Variants in DGKI observed in about 807,000 individuals in gnomAD.
The protein encoded by DGKI is diacylglycerol kinase iota, also known as DAG kinase iota.
In DGKI, 55 loss-of-function variants were observed where a neutral mutation model predicts 147.5. The observed-to-expected ratio is 0.37, with a 90% confidence interval of 0.30 to 0.47. The LOEUF is 0.47. Among genes scored for constraint, DGKI ranks in the 20% least tolerant of loss-of-function variants. The pLI is 1.00. For synonymous variants in DGKI, 469 were observed against 477.1 expected (o/e 0.98, Z 0.22); for missense variants, 1,007 against 1,323.8 (o/e 0.76, Z 3.71).
chr7:137,694,984 T>C (rs985884591), intron 1 of DGKI, among the ~76,000 whole-genome samples: 1 of 152,234 alleles, frequency 6.6e-6, no homozygotes, highest in Non-Finnish European at 1.5e-5. Context: ...TTGAAAGATG[T>C]AATTACTATT....
intron 30 of DGKI, among the ~76,000 whole-genome samples, chr7:137,400,107 C>A (rs796612112): frequency 2.6e-5 from 4 of 152,250 alleles, no homozygotes; most frequent in African/African-American, 9.6e-5. Context: ...TCACTTTACT[C>A]CCACTTACAT....
At chr7:137,820,747 TAAAGCCAGCCAGA>T (rs1797872415) in intron 1 of DGKI, among the ~76,000 whole-genome samples, 1 of 151,898 alleles carries the variant, frequency 6.6e-6, no homozygotes, top group Non-Finnish European at 1.5e-5. Flanking sequence ...TGCTTGCAAG[TAAAGCCAGCCAGA>T]AAAGGCAGCC....
chr7:137,620,738 A>G (rs1309240982), intron 7 of DGKI, among the ~76,000 whole-genome samples: 7 of 152,366 alleles, frequency 4.6e-5, no homozygotes, highest in African/African-American at 1.7e-4. Context: ...CAGACTGGTG[A>G]CCTTAGGCCA....
At chr7:137,707,621 T>A (rs914553179) in intron 1 of DGKI, among the ~76,000 whole-genome samples, 2 of 152,198 alleles carry the variant, frequency 1.3e-5, no homozygotes, top group Non-Finnish European at 2.9e-5. Context: ...CTCTCCACCC[T>A]CTTTTTCTTC....
chr7:137,726,773 C>G (rs1477032934), intron 1 of DGKI, among the ~76,000 whole-genome samples: 2 of 152,106 alleles, frequency 1.3e-5, no homozygotes, highest in African/African-American at 4.8e-5. Flanking sequence ...AGATTTTTAG[C>G]TATATTACTA....
chr7:137,626,771 C>T (rs1178195733), intron 6 of DGKI, among the ~76,000 whole-genome samples: 1 of 152,122 alleles, frequency 6.6e-6, no homozygotes, highest in Non-Finnish European at 1.5e-5. Flanking sequence ...ACCTCCCATC[C>T]GGATTTTTGC....
intron 1 of DGKI, among the ~76,000 whole-genome samples, chr7:137,785,620 T>C (rs1207726787): frequency 1.3e-5 from 2 of 151,970 alleles, no homozygotes. Context: ...CCTAAATCAT[T>C]TTATGAAGCC....
chr7:137,687,672 G>A (rs899204741), intron 2 of DGKI, among the ~76,000 whole-genome samples: 1 of 152,156 alleles, frequency 6.6e-6, no homozygotes. Context: ...TTTGCTTTCT[G>A]TTTGCTGACA....
chr7:137,427,087 C>T (rs970335244), intron 28 of DGKI, among the ~76,000 whole-genome samples: 4 of 151,880 alleles, frequency 2.6e-5, no homozygotes, highest in Non-Finnish European at 5.9e-5. Flanking sequence ...CCCAAATCAA[C>T]AGAATATACA....
At chr7:137,749,211 T>A (rs1795428071) in intron 1 of DGKI, among the ~76,000 whole-genome samples, 1 of 152,218 alleles carries the variant, frequency 6.6e-6, no homozygotes, top group African/African-American at 2.4e-5. Context: ...CACCTTTCCA[T>A]GCTCAAAACC....
chr7:137,724,946 T>G lies in DGKI; in HGVS notation c.402-34944A>C, dbSNP rs114922899. ...CAGGGGCTCTCCAACAATTAGAAGT[T>G]GAGAAGGTAAGATCGTTTCTAGCAA... On this transcript the variant is annotated intron_variant, in intron 1 of 32. Transcript: ENST00000614521. Among the ~76,000 whole-genome samples the G allele has an allele frequency of 2.7e-3, 406 of 152,106 alleles. 3 individuals carry two copies. Among genetic ancestry groups the G allele is most frequent in the African/African-American group, 9.4e-3 (390 of 41,458 alleles).
At chr7:137,750,713 G>A (rs1349810551) in intron 1 of DGKI, among the ~76,000 whole-genome samples, 1 of 152,274 alleles carries the variant, frequency 6.6e-6, no homozygotes, top group African/African-American at 2.4e-5. Flanking sequence ...AGGCAACGGG[G>A]AGAAGACAGA....
intron 1 of DGKI, among the ~76,000 whole-genome samples, chr7:137,717,761 T>C (rs1330050100): frequency 6.6e-6 from 1 of 151,728 alleles, no homozygotes; most frequent in African/African-American, 2.4e-5. Flanking sequence ...TAACAAGGGG[T>C]TGGAACAAGA....
intron 27 of DGKI, among the ~76,000 whole-genome samples, chr7:137,451,771 A>G (rs1006835811): frequency 6.6e-6 from 1 of 152,222 alleles, no homozygotes; most frequent in African/African-American, 2.4e-5. Flanking sequence ...CAAAACTTAC[A>G]AGCTGATCCT....
chr7:137,696,807 G>A (rs1419656598), intron 1 of DGKI, among the ~76,000 whole-genome samples: 1 of 152,064 alleles, frequency 6.6e-6, no homozygotes, highest in African/African-American at 2.4e-5. Context: ...ACCTCAGAAG[G>A]TAACCGTATT....
At chr7:137,834,110 T>C (rs1161442100) in intron 1 of DGKI, among the ~76,000 whole-genome samples, 1 of 152,206 alleles carries the variant, frequency 6.6e-6, no homozygotes, top group Non-Finnish European at 1.5e-5. Context: ...AAACCACATA[T>C]GTAAAGCACT....
chr7:137,585,969 C>A (rs1421975409), intron 13 of DGKI, among the ~76,000 whole-genome samples: 1 of 152,184 alleles, frequency 6.6e-6, no homozygotes, highest in Non-Finnish European at 1.5e-5. Context: ...CTGATGATAA[C>A]CTTAGTTGCC....
intron 10 of DGKI, among the ~76,000 whole-genome samples, chr7:137,606,985 T>C (rs1820206725): frequency 1.3e-5 from 2 of 152,190 alleles, no homozygotes; most frequent in African/African-American, 4.8e-5. Flanking sequence ...GTTCATATCA[T>C]GCAAGTGTGT....
At chr7:137,814,740 A>G (rs1797689552) in intron 1 of DGKI, among the ~76,000 whole-genome samples, 1 of 152,220 alleles carries the variant, frequency 6.6e-6, no homozygotes, top group Non-Finnish European at 1.5e-5. Context: ...GTATTATTAA[A>G]TGTTATAAGC....
Sources: allele counts gnomAD v4.1 joint callset (sites outside exome capture counted in the v4.1 genomes callset), GRCh38; gene constraint gnomAD v4.1.1; transcripts MANE v1.5; gene names NCBI Gene and HGNC (gene_info 2026-07-23, HGNC 2026-07-21).